Variants in CCDC30 observed in about 807,000 individuals in gnomAD.
The protein encoded by CCDC30 is coiled-coil domain containing 30.
CCDC30 carries 70 observed loss-of-function variants against 100.2 expected under a neutral mutation model. That is an observed-to-expected ratio of 0.70 (90% CI 0.58 to 0.85). CCDC30 has a LOEUF of 0.85. Ranked by LOEUF, CCDC30 falls within the 40% of genes least tolerant of loss-of-function variation. The pLI is 0.00. For synonymous variants in CCDC30, 233 were observed against 269.5 expected (o/e 0.86, Z 1.33); for missense variants, 652 against 771.2 (o/e 0.85, Z 1.83).
chr1:42,577,930 G>A (rs1645876643), intron 8 of CCDC30, among the ~76,000 whole-genome samples: 1 of 152,128 alleles, frequency 6.6e-6, no homozygotes, highest in Non-Finnish European at 1.5e-5. Context: ...ATGAGCCACC[G>A]CGCCTGGCCC....
chr1:42,543,976 A>G (rs1212955450), intron 6 of CCDC30, among the ~76,000 whole-genome samples: 1 of 152,234 alleles, frequency 6.6e-6, no homozygotes, highest in Non-Finnish European at 1.5e-5. Flanking sequence ...CAGGATATGA[A>G]TCAGGCAGGC....
chr1:42,644,605 G>C (rs7523056), intron 13 of CCDC30, 88 bp from the exon 18 acceptor site: 1 of 745,242 alleles, frequency 1.3e-6, no homozygotes, highest in South Asian at 1.6e-5. Context: ...TCTAAGATCC[G>C]GGGCCAGTGG....
rs147914563 is a variant in CCDC30 at position 42,653,816 on chromosome 1, A to C, written c.1923-2A>C. 9 of 1,610,862 alleles carry C rather than the reference A, an allele frequency of 5.6e-6. No homozygotes were observed. In the African/African-American group the frequency reaches 1.2e-4, roughly 22 times the overall value. ...GATGTCCTCACATATGGCATTTCTT[A>C]GTTTTTCAGGAAAAGGTTTGGTAGA... On this transcript the variant is annotated splice_acceptor_variant, in intron 16 of 16. Transcript: ENST00000668663. LOFTEE classifies it high-confidence loss of function.
At chr1:42,597,615 G>A (rs1051488318) in intron 10 of CCDC30, among the ~76,000 whole-genome samples, 1 of 149,282 alleles carries the variant, frequency 6.7e-6, no homozygotes, top group Non-Finnish European at 1.5e-5. Context: ...GGGCAACATG[G>A]TGAAACCCCA....
At chr1:42,535,160 A>G (rs771663056) in intron 6 of CCDC30, among the ~76,000 whole-genome samples, 3 of 152,190 alleles carry the variant, frequency 2.0e-5, no homozygotes, top group Non-Finnish European at 4.4e-5. Flanking sequence ...GGAGTACTCA[A>G]TCAGTAAGGA....
At chr1:42,637,350 T>C in exon 12 of CCDC30, 1 of 1,602,686 alleles carries the variant, frequency 6.2e-7, no homozygotes. Flanking sequence ...GAAGATGAAA[T>C]TGGAATCCTG....
chr1:42,563,313 A>T (rs1023624545), intron 6 of CCDC30, among the ~76,000 whole-genome samples: 2 of 152,174 alleles, frequency 1.3e-5, no homozygotes, highest in African/African-American at 4.8e-5. Context: ...AGGGACATGG[A>T]TGAAGCTGAA....
intron 2 of CCDC30, among the ~76,000 whole-genome samples, chr1:42,481,063 G>A (rs991241713): frequency 1.3e-5 from 2 of 151,560 alleles, no homozygotes; most frequent in East Asian, 3.9e-4. Flanking sequence ...GTGAGCTATG[G>A]TTGCGCCACT....
chr1:42,613,373 GC>G (rs1186166451), intron 11 of CCDC30, among the ~76,000 whole-genome samples: 1 of 152,184 alleles, frequency 6.6e-6, no homozygotes, highest in East Asian at 1.9e-4. Context: ...TCCTGGCTCA[GC>G]CTCCAGAGTA....
chr1:42,639,436 C>T (rs1246764541), intron 12 of CCDC30, among the ~76,000 whole-genome samples: 2 of 152,224 alleles, frequency 1.3e-5, no homozygotes, highest in Non-Finnish European at 2.9e-5. Flanking sequence ...ATTTCTGTCA[C>T]TCAAAACTAT....
At chr1:42,458,610 G>C (rs1012489528), upstream of CCDC30, among the ~76,000 whole-genome samples, 2 of 152,190 alleles carry the variant, frequency 1.3e-5, no homozygotes, top group African/African-American at 2.4e-5. Flanking sequence ...GAAAAATAAA[G>C]TATAAATAAA....
intron 11 of CCDC30, among the ~76,000 whole-genome samples, chr1:42,635,733 G>A (rs532175177): frequency 4.2e-4 from 64 of 151,812 alleles, no homozygotes; most frequent in African/African-American, 1.2e-3. Context: ...GCATGAACCC[G>A]GGATGCAGTG....
chr1:42,497,084 C>A lies in CCDC30; in HGVS notation c.242-14C>A, dbSNP rs888156257. On this transcript the variant is annotated splice_polypyrimidine_tract_variant and intron_variant, in intron 4 of 16. Transcript: ENST00000668663. ...TTGATCCAGTTGAGTAAACTGTGTTCTTCTCTGTTTTAGATGCAGCTGACC... is the reference window on the plus strand; with the variant it reads ...TTGATCCAGTTGAGTAAACTGTGTTATTCTCTGTTTTAGATGCAGCTGACC... 7 of 1,210,282 alleles carry A rather than the reference C, an allele frequency of 5.8e-6. No individual in the cohort carries two copies. In the African/African-American group the frequency reaches 7.8e-5, roughly 14 times the overall value. 75.0% of individuals were successfully genotyped at this position (1,210,282 alleles called of 1,614,324 possible). A position where few individuals can be genotyped will look rare whatever the true frequency, so the allele number is the denominator to read the frequency against.
chr1:42,509,481 A>AC (rs1644444539), intron 6 of CCDC30, among the ~76,000 whole-genome samples: 1 of 151,420 alleles, frequency 6.6e-6, no homozygotes, highest in Non-Finnish European at 1.5e-5. Context: ...TGAGTTTGAG[A>AC]CCCCCACCCA....
chr1:42,597,208 C>T (rs1246164865), intron 10 of CCDC30, among the ~76,000 whole-genome samples: 1 of 151,838 alleles, frequency 6.6e-6, no homozygotes, highest in Non-Finnish European at 1.5e-5. Context: ...TGGGAAATAA[C>T]CAAAGGAGAA....
At chr1:42,521,456 A>C (rs1644645395) in intron 6 of CCDC30, among the ~76,000 whole-genome samples, 1 of 152,108 alleles carries the variant, frequency 6.6e-6, no homozygotes, top group African/African-American at 2.4e-5. Flanking sequence ...ATCTATTGAG[A>C]CTTAATTTGT....
intron 4 of CCDC30, among the ~76,000 whole-genome samples, chr1:42,495,767 A>G (rs2148472895): frequency 6.6e-6 from 1 of 152,306 alleles, no homozygotes; most frequent in African/African-American, 2.4e-5. Context: ...AGATTGCTTC[A>G]TTAGTGAATT....
chr1:42,470,605 A>C (rs571233808), intron 1 of CCDC30, among the ~76,000 whole-genome samples: 12 of 152,258 alleles, frequency 7.9e-5, no homozygotes, highest in Non-Finnish European at 1.6e-4. Flanking sequence ...TGCTATGTAC[A>C]TACAATGGAA....
At chr1:42,475,374 G>A (rs1357859104) in intron 1 of CCDC30, among the ~76,000 whole-genome samples, 1 of 152,084 alleles carries the variant, frequency 6.6e-6, no homozygotes, top group Non-Finnish European at 1.5e-5. Context: ...GGAAAATTAT[G>A]CAAACTGTAT....
Sources: allele counts gnomAD v4.1 joint callset (sites outside exome capture counted in the v4.1 genomes callset), GRCh38; gene constraint gnomAD v4.1.1; transcripts MANE v1.5; gene names NCBI Gene and HGNC (gene_info 2026-07-23, HGNC 2026-07-21).